Variants in TCERG1L observed in about 807,000 individuals in gnomAD.
TCERG1L encodes the protein transcription elongation regulator 1 like, also known as transcription elongation regulator 1-like protein.
A neutral mutation model predicts 56.3 loss-of-function variants in TCERG1L; 37 were observed. The ratio of observed to expected loss-of-function variants is 0.66; its 90% CI spans 0.51 to 0.87. TCERG1L has a LOEUF of 0.87. Ranked by LOEUF, TCERG1L falls within the 40% of genes least tolerant of loss-of-function variation. The pLI is 0.00. For missense variants in TCERG1L, 799 were observed against 774.2 expected (o/e 1.03, Z -0.38); for synonymous variants, 324 against 326.3 (o/e 0.99, Z 0.08).
At chr10:131,148,321 C>T (rs1287197235) in intron 6 of TCERG1L, among the ~76,000 whole-genome samples, 2 of 151,900 alleles carry the variant, frequency 1.3e-5, no homozygotes, top group African/African-American at 2.4e-5. Context: ...CAGAGACACA[C>T]ACAAACACAC....
intron 3 of TCERG1L, among the ~76,000 whole-genome samples, chr10:131,263,575 G>A (rs1368282718): frequency 6.6e-6 from 1 of 152,166 alleles, no homozygotes; most frequent in African/African-American, 2.4e-5. Flanking sequence ...TCCAAGGAAG[G>A]CACGTGCCCC....
chr10:131,213,127 G>C (rs1021607930), intron 4 of TCERG1L, among the ~76,000 whole-genome samples: 1 of 152,244 alleles, frequency 6.6e-6, no homozygotes, highest in Non-Finnish European at 1.5e-5. Flanking sequence ...ACCCAGGGCT[G>C]AGGACTGGCT....
At chr10:131,233,666 CA>C (rs1388154515) in intron 4 of TCERG1L, among the ~76,000 whole-genome samples, 5 of 152,092 alleles carry the variant, frequency 3.3e-5, no homozygotes, top group African/African-American at 1.2e-4. Context: ...TTGAAACTAT[CA>C]AAAATATATT....
chr10:131,199,736 C>T (rs1188692023), intron 4 of TCERG1L, among the ~76,000 whole-genome samples: 1 of 152,180 alleles, frequency 6.6e-6, no homozygotes, highest in Non-Finnish European at 1.5e-5. Flanking sequence ...ATACCAGGCA[C>T]CATCATCACA....
chr10:131,116,210 T>C (rs1385951554), intron 9 of TCERG1L, among the ~76,000 whole-genome samples: 1 of 152,066 alleles, frequency 6.6e-6, no homozygotes, highest in African/African-American at 2.4e-5. Flanking sequence ...CAAGTCAAAG[T>C]GAGATTTGGA....
chr10:131,147,150 A>G (rs907414281), intron 6 of TCERG1L, among the ~76,000 whole-genome samples: 2 of 152,206 alleles, frequency 1.3e-5, no homozygotes, highest in African/African-American at 4.8e-5. Context: ...CAGAATTAAA[A>G]GGGCTGCTGT....
chr10:131,129,208 GA>G (rs60210826), intron 8 of TCERG1L, among the ~76,000 whole-genome samples: 4 of 149,576 alleles, frequency 2.7e-5, no homozygotes, highest in East Asian at 1.9e-4. Context: ...CCTCTAAGAG[GA>G]AAAAAAAAAG....
In TCERG1L at chr10:131,093,057, G is replaced by T; in HGVS notation, c.*105C>A. The T allele has an allele frequency of 7.9e-7, 1 of 1,259,424 alleles. No individual in the cohort carries two copies. The highest frequency in any genetic ancestry group is 1.1e-6 in the Non-Finnish European group (1 of 908,410). 78.0% of individuals were successfully genotyped at this position (1,259,424 alleles called of 1,614,324 possible). A position where few individuals can be genotyped will look rare whatever the true frequency, so the allele number is the denominator to read the frequency against. ...CCGCAGTGCCGGTGCCCGCTGGGCC[G>T]TGCAGGTCTCGGCCGCCCCACGCCC... On this transcript the variant is annotated 3_prime_UTR_variant, in exon 12 of 12. Transcript: ENST00000368642.
chr10:131,277,571 G>A (rs540691496), intron 3 of TCERG1L, among the ~76,000 whole-genome samples: 1 of 152,318 alleles, frequency 6.6e-6, no homozygotes, highest in African/African-American at 2.4e-5. Flanking sequence ...CCAGACGCAG[G>A]CACTGTCCAG....
chr10:131,247,914 ACG>A (rs1436027414), intron 4 of TCERG1L, among the ~76,000 whole-genome samples: 1 of 150,004 alleles, frequency 6.7e-6, no homozygotes, highest in Non-Finnish European at 1.5e-5. Flanking sequence ...ACGCACACAC[ACG>A]CATACACACG....
intron 3 of TCERG1L, among the ~76,000 whole-genome samples, chr10:131,289,206 C>T (rs1012151215): frequency 1.3e-5 from 2 of 150,828 alleles, no homozygotes; most frequent in East Asian, 2.0e-4. Context: ...AACAGATGGA[C>T]AAGACAGCGT....
At chr10:131,308,029 A>C (rs1846833575) in intron 3 of TCERG1L, among the ~76,000 whole-genome samples, 182 bp downstream of exon 3, 1 of 152,214 alleles carries the variant, frequency 6.6e-6, no homozygotes, top group Admixed American at 6.5e-5. Context: ...CCCAGAAAAA[A>C]ATAGTGGATA....
intron 3 of TCERG1L, among the ~76,000 whole-genome samples, chr10:131,300,440 G>A (rs2118637): frequency 0.44 from 67,309 of 151,904 alleles, 16,057 homozygotes; most frequent in East Asian, 0.68. Flanking sequence ...TTGCTTTCTC[G>A]TTTTGTTACA....
In TCERG1L at chr10:131,311,663, C is replaced by T; in HGVS notation, c.-28G>A. 2 of 1,065,996 alleles carry T rather than the reference C, an allele frequency of 1.9e-6. No individual in the cohort carries two copies. The highest frequency in any genetic ancestry group is 1.1e-6 in the Non-Finnish European group (1 of 876,286). The allele number at this position is 1,065,996 out of a possible 1,614,324, so 66.0% of individuals were successfully genotyped here. A position where few individuals can be genotyped will look rare whatever the true frequency, so the allele number is the denominator to read the frequency against. On this transcript the variant is annotated 5_prime_UTR_variant, in exon 1 of 12. Coordinates refer to ENST00000368642, the MANE Select transcript of TCERG1L (RefSeq NM_174937.4). The surrounding 1 kb of genome is among the most constrained non-coding windows in gnomAD (Gnocchi z 4.0). ...TACATCCCCGCGCTGACGGCGGCGG[C>T]GGGGGCGGCGGGCGCCCGAGATGCT...
intron 4 of TCERG1L, among the ~76,000 whole-genome samples, chr10:131,220,541 G>A (rs1845718999): frequency 6.6e-6 from 1 of 152,168 alleles, no homozygotes; most frequent in African/African-American, 2.4e-5. Flanking sequence ...GTGTCTTGTG[G>A]GGCCAGGGAA....
chr10:131,125,208 C>G (rs74160854), intron 8 of TCERG1L, among the ~76,000 whole-genome samples: 14,969 of 151,468 alleles, frequency 0.099, 1,469 homozygotes, highest in East Asian at 0.4. Flanking sequence ...TGGTGATGAA[C>G]ATGATGATGA....
chr10:131,256,992 G>GGAAA (rs745516129), intron 4 of TCERG1L, among the ~76,000 whole-genome samples: 602 of 59,078 alleles, frequency 0.01, 18 homozygotes, highest in African/African-American at 0.017. Context: ...AAGGAAGGAA[G>GGAAA]GAAAGAAAGA....
chr10:131,135,183 C>T (rs1351830630), intron 7 of TCERG1L, among the ~76,000 whole-genome samples: 1 of 152,140 alleles, frequency 6.6e-6, no homozygotes, highest in Non-Finnish European at 1.5e-5. Flanking sequence ...AGAAGCATCA[C>T]CTGCTTCTCA....
chr10:131,096,900 A>G (rs1845254293), intron 11 of TCERG1L, among the ~76,000 whole-genome samples: 1 of 150,042 alleles, frequency 6.7e-6, no homozygotes, highest in Non-Finnish European at 1.5e-5. Context: ...AAAAAAAAAG[A>G]AAGAAAAAAC....
Sources: gnomAD v4.1 joint callset for allele counts (sites outside exome capture counted in the v4.1 genomes callset) on GRCh38, gnomAD v4.1.1 for gene constraint, Gnocchi (gnomAD v3.1) non-coding constraint, MANE v1.5 for transcripts, NCBI Gene and HGNC (gene_info 2026-07-23, HGNC 2026-07-21) for gene names.